The following IQCM variants were observed in gnomAD, a reference collection of about 807,000 sequenced individuals.
IQCM encodes the protein IQ domain-containing protein M.
A neutral mutation model predicts 57.6 loss-of-function variants in IQCM; 45 were observed. The observed-to-expected ratio is 0.78, with a 90% CI of 0.62 to 1.00. The LOEUF is 1.00. Ranked by LOEUF, IQCM falls within the 50% of genes least tolerant of loss-of-function variation. The pLI is 0.00. For missense variants in IQCM, 468 were observed against 511.6 expected (o/e 0.91, Z 0.82); for synonymous variants, 148 against 158.9 (o/e 0.93, Z 0.51).
intron 3 of IQCM, among the ~76,000 whole-genome samples, chr4:149,735,751 T>G (rs1766877802): frequency 6.6e-6 from 1 of 152,166 alleles, no homozygotes; most frequent in South Asian, 2.1e-4. Flanking sequence ...CAAAAGTTAT[T>G]AACAAGTCTG....
chr4:149,631,357 T>C (rs1757247904), intron 7 of IQCM, among the ~76,000 whole-genome samples: 1 of 152,168 alleles, frequency 6.6e-6, no homozygotes, highest in African/African-American at 2.4e-5. Flanking sequence ...CTAAGTACTG[T>C]GAGACCCTCT....
intron 8 of IQCM, among the ~76,000 whole-genome samples, chr4:149,612,459 C>A (rs998379951): frequency 2.6e-5 from 4 of 152,028 alleles, no homozygotes; most frequent in African/African-American, 9.7e-5. Context: ...AGATTTACAA[C>A]CTTTGTGAAA....
chr4:149,563,455 A>G (rs1455979463), intron 10 of IQCM, among the ~76,000 whole-genome samples: 1 of 152,028 alleles, frequency 6.6e-6, no homozygotes, highest in Non-Finnish European at 1.5e-5. Flanking sequence ...ATGTGGTGGC[A>G]GGCACCTGTA....
At position 149,433,557 on chromosome 4, in the gene IQCM, T is replaced by C; in HGVS notation, c.1229A>G (p.Asp410Gly). The C allele has an allele frequency of 2.7e-6, 3 of 1,095,478 alleles. No individual in the cohort carries two copies. Among genetic ancestry groups the C allele is most frequent in the Non-Finnish European group, 3.5e-6 (3 of 864,244 alleles). The allele number at this position is 1,095,478 out of a possible 1,614,324, so 67.9% of individuals were successfully genotyped here. The change falls in exon 13 of 14, where the codon GAT becomes GGT. Residue 410 changes from aspartate to glycine, a missense_variant and splice_region_variant. Physicochemically the swap from Asp to Gly is moderately conservative, Grantham distance 94. Transcript: ENST00000636793. Reference protein sequence around the residue: ...VDDTWDLVHQDGKEKYSELIK... With the variant: ...VDDTWDLVHQGGKEKYSELIK... ...TAGTTCAGAATATTTTTCTTTGCCA[T>C]CTATAAAGAAAAGATAAAATATATA...
intron 8 of IQCM, among the ~76,000 whole-genome samples, chr4:149,595,527 CT>C (rs1753691728): frequency 6.6e-6 from 1 of 152,200 alleles, no homozygotes; most frequent in East Asian, 1.9e-4. Context: ...GAGTTTTTTT[CT>C]GCCAGGCTGG....
At chr4:149,563,035 C>T (rs955832701) in intron 10 of IQCM, among the ~76,000 whole-genome samples, 2 of 152,114 alleles carry the variant, frequency 1.3e-5, no homozygotes, top group Non-Finnish European at 2.9e-5. Flanking sequence ...AAAGGTTTTC[C>T]AAGATGGACC....
In IQCM at chr4:149,755,791, T is replaced by C. The variant is rs535931510; in HGVS notation, c.-48-13052A>G. Among the ~76,000 whole-genome samples, 36 of 152,318 alleles carry C rather than the reference T, an allele frequency of 2.4e-4. 1 individual carries two copies. The South Asian group carries it at 2.7e-3, about 11-fold the overall frequency. On this transcript the variant is annotated intron_variant, in intron 2 of 13. Coordinates refer to ENST00000636793, the MANE Select transcript of IQCM (RefSeq NM_001363507.2). ...TCCAGGTGCACTTGAAGTTGAAGTA[T>C]GGCAAGTGACTTAGTTCTGGCCACA...
intron 7 of IQCM, among the ~76,000 whole-genome samples, chr4:149,670,118 G>A (rs927884749): frequency 6.6e-6 from 1 of 152,192 alleles, no homozygotes; most frequent in African/African-American, 2.4e-5. Flanking sequence ...AGCATGGCAT[G>A]TTCTTGAATT....
intron 7 of IQCM, among the ~76,000 whole-genome samples, chr4:149,672,009 G>C (rs1761334190): frequency 6.6e-6 from 1 of 152,152 alleles, no homozygotes; most frequent in South Asian, 2.1e-4. Flanking sequence ...CAGGCAAACA[G>C]GGTCTAGAGT....
intron 13 of IQCM, among the ~76,000 whole-genome samples, chr4:149,385,712 C>T (rs112334332): frequency 1.6e-3 from 241 of 152,140 alleles, no homozygotes; most frequent in African/African-American, 5.5e-3. Flanking sequence ...CTTGACTCCT[C>T]CATTATTAAA....
chr4:149,774,360 C>T (rs976602068), intron 2 of IQCM, among the ~76,000 whole-genome samples: 1 of 152,136 alleles, frequency 6.6e-6, no homozygotes, highest in Non-Finnish European at 1.5e-5. Flanking sequence ...GTCACCTCCT[C>T]AATTTGCAAA....
intron 5 of IQCM, among the ~76,000 whole-genome samples, chr4:149,731,168 T>G (rs1022700382): frequency 6.6e-6 from 1 of 152,146 alleles, no homozygotes; most frequent in Admixed American, 6.6e-5. Flanking sequence ...GAACCTAAGA[T>G]CCAATGTGAT....
intron 12 of IQCM, among the ~76,000 whole-genome samples, chr4:149,442,937 CACACACACACACACACAGAGAG>C (rs1017616828): frequency 6.0e-5 from 3 of 50,286 alleles, no homozygotes; most frequent in East Asian, 1.4e-3. Context: ...CACACACACA[CACACACACACACACACAGAGAG>C]AGAGAGAGAG....
chr4:149,751,309 G>A (rs1033195632), intron 2 of IQCM, among the ~76,000 whole-genome samples: 4 of 152,070 alleles, frequency 2.6e-5, no homozygotes, highest in Admixed American at 2.0e-4. Flanking sequence ...TTTACCTTCT[G>A]CTCTCTGACT....
At chr4:149,533,158 G>A (rs1003064777) in intron 12 of IQCM, among the ~76,000 whole-genome samples, 2 of 152,014 alleles carry the variant, frequency 1.3e-5, no homozygotes, top group East Asian at 3.9e-4. Context: ...AAAAATGAGA[G>A]GAATAGGAGC....
chr4:149,465,877 G>A (rs1254441817), intron 12 of IQCM, among the ~76,000 whole-genome samples: 1 of 152,090 alleles, frequency 6.6e-6, no homozygotes, highest in Non-Finnish European at 1.5e-5. Context: ...GGTGGCACAG[G>A]GAGGACTGCC....
chr4:149,646,911 G>C (rs373870891), intron 7 of IQCM, among the ~76,000 whole-genome samples: 23 of 152,156 alleles, frequency 1.5e-4, no homozygotes, highest in African/African-American at 2.2e-4. Flanking sequence ...TTGAACCTAG[G>C]GGGTAGAGGT....
chr4:149,662,698 A>G (rs1760332013), intron 7 of IQCM, among the ~76,000 whole-genome samples: 1 of 151,686 alleles, frequency 6.6e-6, no homozygotes, highest in Non-Finnish European at 1.5e-5. Flanking sequence ...ATTAAAGCCT[A>G]TTTTTTTACA....
intron 12 of IQCM, among the ~76,000 whole-genome samples, chr4:149,535,834 A>G (rs1206812033): frequency 1.3e-5 from 2 of 152,034 alleles, no homozygotes; most frequent in Non-Finnish European, 2.9e-5. Flanking sequence ...AAGACAGGAA[A>G]GTGGAGGGGA....
Sources: gnomAD v4.1 joint callset for allele counts (sites outside exome capture counted in the v4.1 genomes callset) on GRCh38, gnomAD v4.1.1 for gene constraint, MANE v1.5 for transcripts, NCBI Gene and HGNC (gene_info 2026-07-23, HGNC 2026-07-21) for gene names.